The following LHX4 variants were observed in gnomAD, a reference collection of about 807,000 sequenced individuals.
LHX4 encodes LIM homeobox 4.
Under a neutral mutation model 39.2 loss-of-function variants are expected in LHX4, and 16 were observed. That is an observed-to-expected ratio of 0.41 (90% CI 0.28 to 0.62). The LOEUF is 0.62. Ranked by LOEUF, LHX4 falls within the 20% of genes least tolerant of loss-of-function variation. LHX4 has a pLI of 0.33. For missense variants in LHX4, 439 were observed against 511.9 expected, an observed-to-expected ratio of 0.86 and a Z score of 1.37; for synonymous variants, 206 against 198.1, an observed-to-expected ratio of 1.04 and a Z score of -0.33.
chr1:180,228,710 T>C (rs1664082620), upstream of LHX4, among the ~76,000 whole-genome samples: 1 of 152,170 alleles, frequency 6.6e-6, no homozygotes, highest in Non-Finnish European at 1.5e-5. Context: ...CAAAAGTCAC[T>C]GTGACCTCAT....
chr1:180,254,289 C>T (rs547005165), intron 2 of LHX4, among the ~76,000 whole-genome samples: 19 of 152,340 alleles, frequency 1.2e-4, no homozygotes, highest in African/African-American at 4.3e-4. Flanking sequence ...GAGATGGGTG[C>T]GCCAGAGGCT....
chr1:180,230,198 G>C (rs1664140436), upstream of LHX4: 1 of 420,864 alleles, frequency 2.4e-6, no homozygotes, highest in Non-Finnish European at 4.4e-6. The surrounding 1 kb of genome is among the most constrained non-coding windows in gnomAD (Gnocchi z 5.8). Context: ...CTCCCGGGCG[G>C]CCGGCACGCG....
chr1:180,260,629 G>A (rs1177163764), intron 2 of LHX4, among the ~76,000 whole-genome samples: 2 of 151,866 alleles, frequency 1.3e-5, no homozygotes, highest in African/African-American at 2.4e-5. Context: ...TGGGCCAGCC[G>A]GAGGATGTGG....
At chr1:180,230,035 C>T (rs1454394778), upstream of LHX4, among the ~76,000 whole-genome samples, 1 of 151,106 alleles carries the variant, frequency 6.6e-6, no homozygotes, top group East Asian at 2.0e-4. This position sits in a 1 kb window ranked among gnomAD's most constrained non-coding sequence, Gnocchi z 5.8. Context: ...GCCCCGCCGG[C>T]CTCACTCGGG....
chr1:180,247,749 C>T (rs1477341353), intron 1 of LHX4, among the ~76,000 whole-genome samples: 1 of 152,164 alleles, frequency 6.6e-6, no homozygotes, highest in Non-Finnish European at 1.5e-5. Flanking sequence ...TCTACAAGAG[C>T]ACACTCAGGC....
Position 180,241,528 on chromosome 1 carries a change from C to A in LHX4, c.77-6757C>A, listed in dbSNP as rs573544913. Reference sequence around the variant, plus strand: ...CTGTGAGGGCTCGGTGTTTTACATGCATTACCTGATGTGGCCATAACACAG... The same window carrying A: ...CTGTGAGGGCTCGGTGTTTTACATGAATTACCTGATGTGGCCATAACACAG... On this transcript the variant is annotated intron_variant, in intron 1 of 5. Coordinates refer to ENST00000263726, the MANE Select transcript of LHX4 (RefSeq NM_033343.4). Among the ~76,000 whole-genome samples, 6 of 152,200 alleles carry A rather than the reference C, an allele frequency of 3.9e-5. No homozygotes were observed. In the East Asian group the frequency reaches 1.2e-3, roughly 29 times the overall value.
chr1:180,257,049 C>T (rs1647886845), intron 2 of LHX4, among the ~76,000 whole-genome samples: 2 of 152,238 alleles, frequency 1.3e-5, no homozygotes, highest in Non-Finnish European at 2.9e-5. Flanking sequence ...GGTCTGGACT[C>T]TTCTAGAAGG....
intron 1 of LHX4, among the ~76,000 whole-genome samples, chr1:180,244,576 C>A (rs1391228808): frequency 6.6e-6 from 1 of 152,198 alleles, no homozygotes; most frequent in Non-Finnish European, 1.5e-5. Flanking sequence ...CACTAGATAT[C>A]CTGCTCAAAA....
chr1:180,262,195 T>G (rs1264480202), intron 2 of LHX4, among the ~76,000 whole-genome samples: 1 of 150,862 alleles, frequency 6.6e-6, no homozygotes, highest in East Asian at 1.9e-4. Context: ...AGCACTGCCC[T>G]TCATCCAGGA....
At chr1:180,267,743 C>T (rs1323543292) in intron 3 of LHX4, among the ~76,000 whole-genome samples, 1 of 152,206 alleles carries the variant, frequency 6.6e-6, no homozygotes, top group Non-Finnish European at 1.5e-5. Context: ...TTTTATGTAT[C>T]TCCTTCTAGA....
In LHX4 at chr1:180,243,356, C is replaced by T. The variant is rs569321822; in HGVS notation, c.77-4929C>T. On this transcript the variant is annotated intron_variant, in intron 1 of 5. Coordinates refer to ENST00000263726, the MANE Select transcript of LHX4 (RefSeq NM_033343.4). ...AAGAGGAGGCCAAGGTAGTCTTCCT[C>T]GACGCCTCCTCCCTCAGGAGGAGGA... Among the ~76,000 whole-genome samples the T allele has an allele frequency of 3.9e-5, 6 of 152,038 alleles. No homozygotes were observed. In the South Asian group the frequency reaches 6.2e-4, roughly 16 times the overall value.
In LHX4 at chr1:180,230,458, A is replaced by G. The variant is rs556960634; in HGVS notation, c.-72A>G. The stretch of plus-strand genomic sequence containing the variant: ...TTGGGGTTTTAATTATTATTTTGAA[A>G]TTTCTGAATCGAGCTAGAGCGAGAG... On this transcript the variant is annotated 5_prime_UTR_variant, in exon 1 of 6. Coordinates refer to ENST00000263726, the MANE Select transcript of LHX4 (RefSeq NM_033343.4). The surrounding 1 kb of genome is among the most constrained non-coding windows in gnomAD (Gnocchi z 5.8). 159 of 1,326,546 alleles carry G rather than the reference A, an allele frequency of 1.2e-4. No individual in the cohort carries two copies. Among genetic ancestry groups the G allele is most frequent in the Admixed American group, 1.8e-4 (10 of 55,106 alleles). The allele number at this position is 1,326,546 out of a possible 1,614,324, so 82.2% of individuals were successfully genotyped here.
rs1265416697 is a variant in LHX4, at chr1:180,232,687, A to T, written c.76+2082A>T. Among the ~76,000 whole-genome samples, 1 of 152,238 alleles carries T rather than the reference A, an allele frequency of 6.6e-6. No individual in the cohort carries two copies. Among genetic ancestry groups the T allele is most frequent in the Non-Finnish European group, 1.5e-5 (1 of 68,038 alleles). On this transcript the variant is annotated intron_variant, in intron 1 of 5. Transcript: ENST00000263726. The surrounding 1 kb of genome is among the most constrained non-coding windows in gnomAD (Gnocchi z 5.4). ...GATCCAGCTTTTATTTCCTCTTGGA[A>T]TGTGAATGGATTGTAGCCTCCCTTG...
At chr1:180,242,699 G>A (rs535928421) in intron 1 of LHX4, among the ~76,000 whole-genome samples, 37 of 152,258 alleles carry the variant, frequency 2.4e-4, no homozygotes, top group African/African-American at 8.7e-4. Flanking sequence ...AAGATTCTTT[G>A]GCTGTTCCAG....
intron 2 of LHX4, among the ~76,000 whole-genome samples, chr1:180,258,340 G>A (rs917239593): frequency 6.6e-5 from 10 of 152,222 alleles, no homozygotes; most frequent in African/African-American, 2.4e-4. Context: ...AGGAGGAGGC[G>A]GAGTGGACTG....
chr1:180,250,379 G>A (rs1301289577), intron 2 of LHX4, among the ~76,000 whole-genome samples: 1 of 152,052 alleles, frequency 6.6e-6, no homozygotes, highest in Non-Finnish European at 1.5e-5. Flanking sequence ...GTACCCGGGT[G>A]CAAATGTGAA....
chr1:180,240,540 G>A (rs1265641091), intron 1 of LHX4, among the ~76,000 whole-genome samples: 6 of 151,826 alleles, frequency 4.0e-5, no homozygotes, highest in Non-Finnish European at 8.8e-5. Context: ...TTGATCTTCC[G>A]TGACGAAAGG....
chr1:180,249,476 G>A (rs575920148), intron 2 of LHX4, among the ~76,000 whole-genome samples: 1 of 152,360 alleles, frequency 6.6e-6, no homozygotes, highest in South Asian at 2.1e-4. Context: ...CAGTGACGCT[G>A]AGCCCTGTGT....
At chr1:180,248,889 T>G (rs374497484) in intron 2 of LHX4, among the ~76,000 whole-genome samples, 13 of 152,240 alleles carry the variant, frequency 8.5e-5, no homozygotes, top group African/African-American at 3.1e-4. Context: ...TCCAGAGGCG[T>G]CTCTGTGACT....
Sources: gnomAD v4.1 joint callset for allele counts (sites outside exome capture counted in the v4.1 genomes callset) on GRCh38, gnomAD v4.1.1 for gene constraint, Gnocchi (gnomAD v3.1) non-coding constraint, MANE v1.5 for transcripts, NCBI Gene and HGNC (gene_info 2026-07-23, HGNC 2026-07-21) for gene names.